Variants in MTOR observed in about 807,000 individuals in gnomAD.
MTOR encodes serine/threonine-protein kinase mTOR.
A neutral mutation model predicts 319.8 loss-of-function variants in MTOR; 70 were observed. The observed-to-expected ratio is 0.22, with a 90% CI of 0.18 to 0.27. The LOEUF is 0.27. MTOR is among the 10% of genes least tolerant of loss of function. The pLI is 1.00. For synonymous variants in MTOR, 1,183 were observed against 1,211.4 expected, an observed-to-expected ratio of 0.98 and a Z score of 0.49; for missense variants, 1,890 against 3,274.4, an observed-to-expected ratio of 0.58 and a Z score of 10.32.
At position 11,245,239 on chromosome 1, in the gene MTOR, T is replaced by C. The variant is rs143483970; in HGVS notation, c.1226-1939A>G. Among the ~76,000 whole-genome samples, 640 of 152,290 alleles carry C rather than the reference T, an allele frequency of 4.2e-3. 6 individuals carry two copies. Among genetic ancestry groups the C allele is most frequent in the African/African-American group, 0.015 (603 of 41,554 alleles). ...GTTATTTCTCCTCTGAAGGCTGGAA[T>C]TTCCTGATTCTTGCTTCTTGTCTAT... On this transcript the variant is annotated intron_variant, in intron 8 of 57. Coordinates refer to ENST00000361445, the MANE Select transcript of MTOR (RefSeq NM_004958.4).
At chr1:11,244,291 T>C (rs1569779554) in intron 8 of MTOR, among the ~76,000 whole-genome samples, 4 of 98,908 alleles carry the variant, frequency 4.0e-5, no homozygotes, top group South Asian at 4.4e-4. Context: ...AAACTACATC[T>C]CATTTAAAAA....
Position 11,114,387 on chromosome 1 carries a change from T to C in MTOR, c.7231A>G (p.Lys2411Glu). ...TCCAGCACGGCCATGACACTGTCCT[T>C]GTGCTCTCGCAGCACCTCCATCACT... ...HTVMEVLREH[K>E]DSVMAVLEAF... The change falls in exon 53 of 58, where the codon AAG becomes GAG. Residue 2411 changes from lysine (K) to glutamate (E), a missense_variant. Lys to Glu is a moderately conservative substitution (Grantham distance 56). This residue lies in a region of MTOR where 23 missense variants were observed against 81.7 expected (regional missense o/e 0.28). Transcript: ENST00000361445. 1 of 1,614,188 alleles carries C rather than the reference T, an allele frequency of 6.2e-7. No homozygotes were observed. The highest frequency in any genetic ancestry group is 8.5e-7 in the Non-Finnish European group (1 of 1,180,030).
intron 25 of MTOR, among the ~76,000 whole-genome samples, 200 bp from the exon 26 acceptor site, chr1:11,204,903 C>T (rs1646089733): frequency 2.0e-5 from 3 of 152,154 alleles, no homozygotes; most frequent in Admixed American, 2.0e-4. Context: ...GTGGAAAAAG[C>T]CTGTTTCACA....
intron 36 of MTOR, 47 bp from the exon 37 acceptor site, chr1:11,134,513 C>T (rs767119675): frequency 6.4e-7 from 1 of 1,555,014 alleles, no homozygotes; most frequent in African/African-American, 1.4e-5. Context: ...TGTGGCCCAG[C>T]TTCAGAGGAA....
At chr1:11,184,580 A>T (rs1645254694) in intron 28 of MTOR, among the ~76,000 whole-genome samples, 1 of 152,012 alleles carries the variant, frequency 6.6e-6, no homozygotes, top group South Asian at 2.1e-4. Context: ...AAAAATTTAA[A>T]AACAGGCAGG....
Position 11,130,614 on chromosome 1 carries a change from CTGGCAGTGGTGG to C in MTOR, c.5516_5527del (p.Thr1839_Ala1842del), listed in dbSNP as rs777542989. The C allele has an allele frequency of 2.7e-5, 43 of 1,613,974 alleles. No homozygotes were observed. Among genetic ancestry groups the C allele is most frequent in the East Asian group, 6.7e-5 (3 of 44,876 alleles). On this transcript the variant is annotated inframe_deletion, in exon 39 of 58. Transcript: ENST00000361445. ...GCTCTCACTGTTGCTGCCCTCGGTG[CTGGCAGTGGTGG>C]TGGCAGTGGCGGCCGTGGTGGCGGC...
intron 26 of MTOR, among the ~76,000 whole-genome samples, chr1:11,201,915 C>T (rs1557837587): frequency 6.6e-6 from 1 of 152,064 alleles, no homozygotes; most frequent in South Asian, 2.1e-4. Flanking sequence ...TCAAGTAATC[C>T]CCCCGCCTTA....
intron 28 of MTOR, among the ~76,000 whole-genome samples, chr1:11,187,982 G>GAA (rs373610043): frequency 1.3e-5 from 2 of 148,170 alleles, no homozygotes; most frequent in African/African-American, 4.9e-5. Flanking sequence ...TTGATTCTGA[G>GAA]AAAAAAAAAA....
At position 11,128,330 on chromosome 1, in the gene MTOR, C is replaced by T. The variant is rs1642949953; in HGVS notation, c.5910+124G>A. The T allele has an allele frequency of 1.6e-6, 2 of 1,246,534 alleles. No individual in the cohort carries two copies. The highest frequency in any genetic ancestry group is 1.5e-5 in the African/African-American group (1 of 67,114). 77.2% of individuals were successfully genotyped at this position (1,246,534 alleles called of 1,614,324 possible). Reference sequence around the variant, plus strand: ...CTCTGGGACGGCTGGCTGGACAGACCCTCCTGGGCCAGGATGGAACACATG... The same window carrying T: ...CTCTGGGACGGCTGGCTGGACAGACTCTCCTGGGCCAGGATGGAACACATG... On this transcript the variant is annotated intron_variant, in intron 42 of 57. Coordinates refer to ENST00000361445, the MANE Select transcript of MTOR (RefSeq NM_004958.4). This position sits in a 1 kb window ranked among gnomAD's most constrained non-coding sequence, Gnocchi z 5.3.
In MTOR at chr1:11,237,282, G is replaced by T. The variant is rs184406409; in HGVS notation, c.2208+561C>A. 5.3e-4 allele frequency among the ~76,000 whole-genome samples: 81 copies of T among 152,250 alleles called. 1 individual carries two copies. The highest frequency in any genetic ancestry group is 1.9e-3 in the African/African-American group (78 of 41,542). On this transcript the variant is annotated intron_variant, in intron 13 of 57. Coordinates refer to ENST00000361445, the MANE Select transcript of MTOR (RefSeq NM_004958.4). ...AGTAGGTGAAGACAAAAACTGAGGA[G>T]CCATGTCTCCAGAGCAATTCTACCT...
In MTOR at chr1:11,107,621, C is replaced by A. The variant is rs1023015939; in HGVS notation, c.7635-121G>T. ...ACCCTAGGGTATTCCCTGAGCTCTC[C>A]CACAGCTAATTGCATGGGACACACT... is the stretch of plus-strand genomic sequence containing the variant. On this transcript the variant is annotated intron_variant, in intron 57 of 57. Coordinates refer to ENST00000361445, the MANE Select transcript of MTOR (RefSeq NM_004958.4). The A allele has an allele frequency of 3.8e-6, 4 of 1,040,504 alleles. No individual in the cohort carries two copies. In the East Asian group the frequency reaches 1.1e-4, roughly 27 times the overall value. The allele number at this position is 1,040,504 out of a possible 1,614,324, so 64.5% of individuals were successfully genotyped here. A position where few individuals can be genotyped will look rare whatever the true frequency, so the allele number is the denominator to read the frequency against.
intron 28 of MTOR, among the ~76,000 whole-genome samples, chr1:11,172,633 G>T (rs1644855221): frequency 6.6e-6 from 1 of 151,386 alleles, no homozygotes; most frequent in Non-Finnish European, 1.5e-5. Flanking sequence ...CACTGTGGGA[G>T]GCCGAGGTGG....
Position 11,121,908 on chromosome 1 carries a change from A to C in MTOR, c.6810+71T>G. The C allele has an allele frequency of 6.4e-7, 1 of 1,567,574 alleles. No homozygotes were observed. The highest frequency in any genetic ancestry group is 8.7e-7 in the Non-Finnish European group (1 of 1,150,094). On this transcript the variant is annotated intron_variant, in intron 48 of 57. Coordinates refer to ENST00000361445, the MANE Select transcript of MTOR (RefSeq NM_004958.4). The surrounding 1 kb of genome is among the most constrained non-coding windows in gnomAD (Gnocchi z 4.9). ...TTCAGTGACAGACATACAGAGAGGA[A>C]TGAGAAAAGCAGCGCTACGGAGATT...
intron 28 of MTOR, among the ~76,000 whole-genome samples, chr1:11,176,947 A>G (rs766468737): frequency 5.1e-4 from 77 of 152,132 alleles, no homozygotes; most frequent in Non-Finnish European, 1.1e-3. Context: ...TGTAGAAGAG[A>G]AAGGACAGCA....
chr1:11,202,999 G>A (rs951235419), intron 26 of MTOR, among the ~76,000 whole-genome samples: 6 of 151,850 alleles, frequency 4.0e-5, no homozygotes, highest in African/African-American at 1.5e-4. Flanking sequence ...GATCATTTGA[G>A]GTCAGGAGTT....
intron 54 of MTOR, among the ~76,000 whole-genome samples, chr1:11,112,265 G>A (rs1641925262): frequency 6.6e-6 from 1 of 152,118 alleles, no homozygotes; most frequent in Non-Finnish European, 1.5e-5. Flanking sequence ...GAGGACCAAG[G>A]TAATACTGTT....
chr1:11,242,500 C>CAAAA (rs70977555), intron 9 of MTOR, among the ~76,000 whole-genome samples: 879 of 52,030 alleles, frequency 0.017, 83 homozygotes, highest in Middle Eastern at 0.056. Flanking sequence ...GACTCCATCT[C>CAAAA]AAAAAAAAAA....
chr1:11,254,756 G>A (rs1288781599), intron 5 of MTOR, among the ~76,000 whole-genome samples: 3 of 151,014 alleles, frequency 2.0e-5, no homozygotes, highest in African/African-American at 7.3e-5. Flanking sequence ...TAACATCTCT[G>A]AAAAGAGATG....
chr1:11,177,691 G>A (rs1434546744), intron 28 of MTOR, among the ~76,000 whole-genome samples: 1 of 152,128 alleles, frequency 6.6e-6, no homozygotes, highest in East Asian at 1.9e-4. Flanking sequence ...ATGCCTAGAG[G>A]ACACGCTAAA....
Sources: gnomAD v4.1 joint callset for allele counts (sites outside exome capture counted in the v4.1 genomes callset) on GRCh38, gnomAD v4.1.1 for gene constraint, gnomAD v4.1.1 regional missense constraint, Gnocchi (gnomAD v3.1) non-coding constraint, MANE v1.5 for transcripts, NCBI Gene and HGNC (gene_info 2026-07-23, HGNC 2026-07-21) for gene names.